EFCAB7: variants seen among roughly 807,000 people sequenced by gnomAD.
The protein encoded by EFCAB7 is EF-hand calcium-binding domain-containing protein 7.
In EFCAB7, 66 loss-of-function variants were observed where a neutral mutation model predicts 77.1. The ratio of observed to expected loss-of-function variants is 0.86; its 90% confidence interval spans 0.70 to 1.05. The LOEUF (loss-of-function observed/expected upper bound fraction) is 1.05, where lower values mean the gene tolerates loss of function less well. Ranked by LOEUF, EFCAB7 falls within the 50% of genes least tolerant of loss-of-function variation. The pLI is 0.00. For synonymous variants in EFCAB7, 225 were observed against 243.3 expected, an observed-to-expected ratio of 0.92 and a Z score of 0.70; for missense variants, 638 against 730.5, an observed-to-expected ratio of 0.87 and a Z score of 1.46.
Position 63,546,427 on chromosome 1 carries a change from C to T in EFCAB7, c.946+370C>T, listed in dbSNP as rs566138625. On this transcript the variant is annotated intron_variant, in intron 7 of 13. Coordinates refer to ENST00000371088, the MANE Select transcript of EFCAB7 (RefSeq NM_032437.4). Reference sequence around the variant, plus strand: ...TTGCCCAGGCTGGAGTGCAGTGGCTCGATCTTGGCTCACTGCAACCTCCGC... The same window carrying T: ...TTGCCCAGGCTGGAGTGCAGTGGCTTGATCTTGGCTCACTGCAACCTCCGC... Among the ~76,000 whole-genome samples the T allele has an allele frequency of 6.1e-4, 92 of 151,512 alleles. 1 individual carries two copies. The highest frequency in any genetic ancestry group is 2.0e-3 in the African/African-American group (82 of 41,258).
At chr1:63,585,305 G>A in the EFCAB7 span, among the ~76,000 whole-genome samples, 1 of 152,026 alleles carries the variant, frequency 6.6e-6, no homozygotes, top group Non-Finnish European at 1.5e-5. Flanking sequence ...TTTTAAAATT[G>A]TCAATGCAGT....
chr1:63,573,142 G>A (rs1044731926), downstream of EFCAB7, among the ~76,000 whole-genome samples: 3 of 152,090 alleles, frequency 2.0e-5, no homozygotes, highest in Non-Finnish European at 2.9e-5. Context: ...AAACAAAATA[G>A]TGTTGAAGTG....
In EFCAB7 at chr1:63,561,749, A is replaced by T. The variant is rs759602710; in HGVS notation, c.1389A>T (p.Gly463=). The T allele has an allele frequency of 1.2e-6, 2 of 1,609,906 alleles. No homozygotes were observed. The highest frequency in any genetic ancestry group is 2.2e-5 in the East Asian group (1 of 44,632). ...DTKRNELTRQ[G]FMDLNLMEAN... is the part of the protein sequence containing the mutation. Reference sequence around the variant, plus strand: ...AGAGGAATGAACTAACAAGACAAGGATTTATGGATTTGAATCTAATGGAAG... The same window carrying T: ...AGAGGAATGAACTAACAAGACAAGGTTTTATGGATTTGAATCTAATGGAAG... Residue 463 remains glycine (G), a synonymous_variant, in exon 11 of 14, where the codon GGA becomes GGT. Coordinates refer to ENST00000371088, the MANE Select transcript of EFCAB7 (RefSeq NM_032437.4).
intron 13 of EFCAB7, 67 bp downstream of exon 13, chr1:63,571,195 T>A (rs1249097234): frequency 1.6e-5 from 16 of 1,024,576 alleles, no homozygotes; most frequent in South Asian, 4.3e-5. Context: ...CTATTAATGC[T>A]ATGAGTAAAA....
intron 6 of EFCAB7, among the ~76,000 whole-genome samples, chr1:63,544,834 C>G (rs1306064547): frequency 2.0e-5 from 3 of 152,096 alleles, no homozygotes; most frequent in Admixed American, 6.5e-5. Context: ...ATTCTTCCTT[C>G]TTACTGTGCT....
chr1:63,568,664 G>C (rs1348639039), intron 12 of EFCAB7, 145 bp downstream of exon 12: 16 of 571,152 alleles, frequency 2.8e-5, no homozygotes, highest in Non-Finnish European at 4.4e-5. Flanking sequence ...TTTCTCCTCA[G>C]GTTTCTAACT....
intron 6 of EFCAB7, among the ~76,000 whole-genome samples, chr1:63,545,215 C>A (rs79244998): frequency 0.075 from 11,358 of 151,820 alleles, 1,403 homozygotes; most frequent in African/African-American, 0.26. Flanking sequence ...CCGTGCCCAG[C>A]CAACTTTATT....
chr1:63,543,152 A>T (rs1194685251), intron 6 of EFCAB7, among the ~76,000 whole-genome samples: 1 of 152,232 alleles, frequency 6.6e-6, no homozygotes, highest in Non-Finnish European at 1.5e-5. Flanking sequence ...ATTCTTTTGC[A>T]GATGGATATT....
At chr1:63,575,139 G>C (rs1211161901), downstream of EFCAB7, among the ~76,000 whole-genome samples, 1 of 151,974 alleles carries the variant, frequency 6.6e-6, no homozygotes, top group African/African-American at 2.4e-5. Context: ...AGACTTACAT[G>C]ATCACTGTAA....
the EFCAB7 span, among the ~76,000 whole-genome samples, chr1:63,579,762 T>C: frequency 6.6e-6 from 1 of 152,230 alleles, no homozygotes; most frequent in South Asian, 2.1e-4. Context: ...CAGTGGTATC[T>C]CATTGTGATT....
At chr1:63,525,310 T>G (rs957440988) in intron 1 of EFCAB7, among the ~76,000 whole-genome samples, 2 of 152,170 alleles carry the variant, frequency 1.3e-5, no homozygotes, top group Non-Finnish European at 2.9e-5. Flanking sequence ...ATTATATATA[T>G]ACATATGTAT....
At chr1:63,525,351 G>C (rs1202043320) in intron 1 of EFCAB7, among the ~76,000 whole-genome samples, 1 of 151,922 alleles carries the variant, frequency 6.6e-6, no homozygotes, top group African/African-American at 2.4e-5. Flanking sequence ...ACTGCCAAAG[G>C]CTTATTCTTG....
In EFCAB7 at chr1:63,572,593, C is replaced by A; in HGVS notation, c.*77C>A. ...TTATTTATTAAACAACTAAATGCTACTTAACTGATGTACCTAAATAATAAT... is the reference window on the plus strand; with the variant it reads ...TTATTTATTAAACAACTAAATGCTAATTAACTGATGTACCTAAATAATAAT... On this transcript the variant is annotated 3_prime_UTR_variant, in exon 14 of 14. Transcript: ENST00000371088. 1 of 1,218,206 alleles carries A rather than the reference C, an allele frequency of 8.2e-7. No homozygotes were observed. The allele number at this position is 1,218,206 out of a possible 1,614,324, so 75.5% of individuals were successfully genotyped here.
At chr1:63,567,323 G>T (rs1046381080) in intron 11 of EFCAB7, among the ~76,000 whole-genome samples, 2 of 152,062 alleles carry the variant, frequency 1.3e-5, no homozygotes, top group African/African-American at 2.4e-5. Flanking sequence ...TGTGGTGGTG[G>T]TCACCTGTAA....
At chr1:63,560,489 T>A (rs2100917599) in intron 10 of EFCAB7, among the ~76,000 whole-genome samples, 1 of 151,614 alleles carries the variant, frequency 6.6e-6, no homozygotes, top group East Asian at 1.9e-4. Flanking sequence ...TTGAAAAAGT[T>A]ATGAATAACT....
intron 6 of EFCAB7, among the ~76,000 whole-genome samples, chr1:63,544,774 T>TA (rs1646875798): frequency 6.6e-6 from 1 of 152,096 alleles, no homozygotes; most frequent in Non-Finnish European, 1.5e-5. Flanking sequence ...ATTTTGCTCT[T>TA]ACATTTAAAG....
chr1:63,585,305 G>C, the EFCAB7 span, among the ~76,000 whole-genome samples: 1 of 152,026 alleles, frequency 6.6e-6, no homozygotes, highest in South Asian at 2.1e-4. Context: ...TTTTAAAATT[G>C]TCAATGCAGT....
intron 6 of EFCAB7, among the ~76,000 whole-genome samples, chr1:63,543,517 A>C (rs1646854446): frequency 6.6e-6 from 1 of 152,214 alleles, no homozygotes; most frequent in Non-Finnish European, 1.5e-5. Context: ...TTACATGAAA[A>C]TCTAAGTAGG....
intron 12 of EFCAB7, chr1:63,569,998 A>C (rs1471315298): frequency 6.6e-6 from 1 of 152,150 alleles, no homozygotes; most frequent in East Asian, 1.9e-4. Flanking sequence ...AACTCTCTTC[A>C]CCAAAATGTG....
Sources: gnomAD v4.1 joint callset for allele counts (sites outside exome capture counted in the v4.1 genomes callset) on GRCh38, gnomAD v4.1.1 for gene constraint, MANE v1.5 for transcripts, NCBI Gene and HGNC (gene_info 2026-07-23, HGNC 2026-07-21) for gene names.